Variants in FAM114A1 observed in about 807,000 individuals in gnomAD.
FAM114A1 encodes protein NOXP20.
FAM114A1 carries 62 observed loss-of-function variants against 64.3 expected under a neutral mutation model. That is an observed-to-expected ratio of 0.96 (90% CI 0.79 to 1.19). The LOEUF is 1.19. Ranked by LOEUF, FAM114A1 falls within the 50% of genes most tolerant of loss-of-function variation. The pLI is 0.00. For synonymous variants in FAM114A1, 254 were observed against 251.1 expected, an observed-to-expected ratio of 1.01 and a Z score of -0.11; for missense variants, 645 against 676.3, an observed-to-expected ratio of 0.95 and a Z score of 0.51.
intron 8 of FAM114A1, among the ~76,000 whole-genome samples, chr4:38,919,670 T>A (rs534644533): frequency 6.6e-6 from 1 of 152,256 alleles, no homozygotes; most frequent in African/African-American, 2.4e-5. Context: ...GTCTTCTGAG[T>A]CACATCAGCA....
Position 38,943,513 on chromosome 4 carries a change from C to T in FAM114A1, c.1648C>T (p.Gln550Ter). ...CTTCCAGCTGCTGCTGCCTGTTCTG[C>T]AGGTCTCACATATCCAGACCAGTTG... ...DAFQLLLPVL[Q>*]VSHIQTSCLK... Residue 550 changes from glutamine (Q) to a stop codon, truncating the protein, a stop_gained, in exon 15 of 15, where the codon CAG (glutamine) becomes TAG (stop). Coordinates refer to ENST00000358869, the MANE Select transcript of FAM114A1 (RefSeq NM_138389.4). LOFTEE classifies it high-confidence loss of function. 1.2e-6 allele frequency: 2 copies of T among 1,614,078 alleles called. No homozygotes were observed. Among genetic ancestry groups the T allele is most frequent in the Non-Finnish European group, 1.7e-6 (2 of 1,179,968 alleles).
At chr4:38,939,532 C>G (rs576355854) in intron 13 of FAM114A1, among the ~76,000 whole-genome samples, 2 of 152,008 alleles carry the variant, frequency 1.3e-5, no homozygotes, top group Non-Finnish European at 2.9e-5. Context: ...AAGCAAATAC[C>G]ATAATGGATT....
intron 3 of FAM114A1, among the ~76,000 whole-genome samples, chr4:38,890,425 G>A (rs1716240335): frequency 6.7e-6 from 1 of 148,470 alleles, no homozygotes; most frequent in South Asian, 2.1e-4. Context: ...AAAAAAAACA[G>A]CAAGGGAGTT....
chr4:38,918,394 G>A (rs373001849), intron 8 of FAM114A1, among the ~76,000 whole-genome samples: 98 of 152,270 alleles, frequency 6.4e-4, no homozygotes, highest in African/African-American at 2.3e-3. Flanking sequence ...GCTCCGCTAG[G>A]CCCGTTCCAA....
At position 38,878,255 on chromosome 4, in the gene FAM114A1, G is replaced by T. The variant is rs777302466; in HGVS notation, c.177G>T (p.Gln59His). 1 of 1,614,110 alleles carries T rather than the reference G, an allele frequency of 6.2e-7. No homozygotes were observed. Among genetic ancestry groups the T allele is most frequent in the Non-Finnish European group, 8.5e-7 (1 of 1,180,050 alleles). The stretch of plus-strand genomic sequence containing the variant: ...AGGGGCATGAAAATGCAGCTGTGCA[G>T]GGTGCAGGGGCTGCCGCCATTGGGC... ...RGEGHENAAV[Q>H]GAGAAAIGPP... is the part of the protein sequence containing the mutation. The change falls in exon 3 of 15, where the codon CAG (glutamine) becomes CAT (histidine). Residue 59 changes from glutamine (Q) to histidine (H), a missense_variant. Gln to His is a conservative substitution (Grantham distance 24). Coordinates refer to ENST00000358869, the MANE Select transcript of FAM114A1 (RefSeq NM_138389.4).
chr4:38,941,030 C>A lies in FAM114A1; in HGVS notation c.1590+9C>A. 1 of 1,612,552 alleles carries A rather than the reference C, an allele frequency of 6.2e-7. No homozygotes were observed. The highest frequency in any genetic ancestry group is 1.1e-5 in the South Asian group (1 of 90,586). ...GTAGTGTATTGTTAGAGGTAAGTGG[C>A]CTCTGGAGAGAAAGTGCTTCTGAAT... is the stretch of plus-strand genomic sequence containing the variant. On this transcript the variant is annotated intron_variant, in intron 14 of 14. Coordinates refer to ENST00000358869, the MANE Select transcript of FAM114A1 (RefSeq NM_138389.4).
At chr4:38,898,474 C>T (rs946941418) in intron 4 of FAM114A1, among the ~76,000 whole-genome samples, 4 of 152,086 alleles carry the variant, frequency 2.6e-5, no homozygotes, top group East Asian at 1.9e-4. Context: ...CTGTCGATAG[C>T]GCATGGATTC....
chr4:38,869,797 CAT>C (rs1491433557), intron 2 of FAM114A1, among the ~76,000 whole-genome samples: 5 of 151,540 alleles, frequency 3.3e-5, no homozygotes, highest in African/African-American at 9.7e-5. Flanking sequence ...CAAGTCAGGC[CAT>C]TTTTTTTAAA....
At chr4:38,936,385 C>T (rs1222209899) in intron 13 of FAM114A1, among the ~76,000 whole-genome samples, 2 of 151,884 alleles carry the variant, frequency 1.3e-5, no homozygotes, top group South Asian at 4.1e-4. Context: ...TGAGCCACCG[C>T]GCCTGGCCTG....
intron 4 of FAM114A1, among the ~76,000 whole-genome samples, chr4:38,896,490 G>A (rs1181937052): frequency 1.3e-5 from 2 of 152,230 alleles, no homozygotes; most frequent in South Asian, 4.1e-4. Flanking sequence ...TTCCCAGGCT[G>A]GAAACAAGCA....
intron 10 of FAM114A1, among the ~76,000 whole-genome samples, chr4:38,930,764 C>T (rs1720560683): frequency 6.6e-6 from 1 of 152,202 alleles, no homozygotes; most frequent in Admixed American, 6.5e-5. Flanking sequence ...CCCCTTCGTT[C>T]TAAATTCAGG....
intron 2 of FAM114A1, among the ~76,000 whole-genome samples, chr4:38,876,162 CT>C (rs1310747810): frequency 2.0e-5 from 2 of 99,266 alleles, no homozygotes; most frequent in Admixed American, 2.2e-4. Context: ...TAGACTTATT[CT>C]TTTTTCTTTT....
chr4:38,938,401 T>C (rs1170715427), intron 13 of FAM114A1: 1 of 152,262 alleles, frequency 6.6e-6, no homozygotes, highest in Non-Finnish European at 1.5e-5. Flanking sequence ...TTCATTCTGC[T>C]GTCAAGAAAT....
chr4:38,875,562 G>A (rs182577700), intron 2 of FAM114A1, among the ~76,000 whole-genome samples: 2 of 152,272 alleles, frequency 1.3e-5, no homozygotes, highest in Non-Finnish European at 2.9e-5. Context: ...AGATCTAGGA[G>A]CCTTTGGGCA....
Position 38,931,613 on chromosome 4 carries a change from G to T in FAM114A1, c.1323+1G>T. ...GGAAAAGAAAACTAAGACCATAGAGGTAAATTCATTCTAGATTGTCTGCCT... is the reference window on the plus strand; with the variant it reads ...GGAAAAGAAAACTAAGACCATAGAGTTAAATTCATTCTAGATTGTCTGCCT... On this transcript the variant is annotated splice_donor_variant, in intron 11 of 14. Coordinates refer to ENST00000358869, the MANE Select transcript of FAM114A1 (RefSeq NM_138389.4). LOFTEE classifies it high-confidence loss of function. The T allele has an allele frequency of 6.2e-7, 1 of 1,610,034 alleles. No individual in the cohort carries two copies. The highest frequency in any genetic ancestry group is 8.5e-7 in the Non-Finnish European group (1 of 1,178,588).
At chr4:38,869,073 T>A (rs1052860400) in intron 2 of FAM114A1, among the ~76,000 whole-genome samples, 7 of 152,224 alleles carry the variant, frequency 4.6e-5, no homozygotes, top group Non-Finnish European at 1.0e-4. Context: ...ACATCAAACA[T>A]GGTTTCTCTT....
intron 13 of FAM114A1, among the ~76,000 whole-genome samples, chr4:38,939,200 A>G (rs1161780625): frequency 1.3e-5 from 2 of 152,066 alleles, no homozygotes; most frequent in Non-Finnish European, 2.9e-5. Flanking sequence ...ACATACACAT[A>G]CAAGTGTTTG....
intron 14 of FAM114A1, among the ~76,000 whole-genome samples, chr4:38,943,212 A>T (rs924317134): frequency 2.7e-5 from 4 of 149,698 alleles, no homozygotes; most frequent in African/African-American, 4.9e-5. Flanking sequence ...AAAAAAAAAA[A>T]TTCCATGAAA....
At chr4:38,871,013 A>AATATGGATTAGAGATAC (rs1714010244) in intron 2 of FAM114A1, among the ~76,000 whole-genome samples, 1 of 152,086 alleles carries the variant, frequency 6.6e-6, no homozygotes, top group Admixed American at 6.5e-5. Context: ...AGTAGAGATA[A>AATATGGATTAGAGATAC]ATATGGATTA....
Sources: gnomAD v4.1 joint callset for allele counts (sites outside exome capture counted in the v4.1 genomes callset) on GRCh38, gnomAD v4.1.1 for gene constraint, MANE v1.5 for transcripts, NCBI Gene and HGNC (gene_info 2026-07-23, HGNC 2026-07-21) for gene names.